The following CRB1 variants were observed in gnomAD, a reference collection of about 807,000 sequenced individuals.
CRB1 encodes the protein crumbs cell polarity complex component 1.
Under a neutral mutation model 120.0 loss-of-function variants are expected in CRB1, and 83 were observed. The ratio of observed to expected loss-of-function variants is 0.69; its 90% confidence interval spans 0.58 to 0.83. The LOEUF is 0.83. Ranked by LOEUF, CRB1 falls within the 40% of genes least tolerant of loss-of-function variation. The pLI, the probability that CRB1 is intolerant of heterozygous loss-of-function variation, is 0.00. For missense variants in CRB1, 1,699 were observed against 1,687.6 expected (o/e 1.01, Z -0.12); for synonymous variants, 625 against 612.5 (o/e 1.02, Z -0.30).
chr1:197,290,265 C>CGTGTGTGTGTGTGT (rs10540136), intron 1 of CRB1, among the ~76,000 whole-genome samples: 217 of 136,978 alleles, frequency 1.6e-3, no homozygotes, highest in African/African-American at 5.2e-3. Context: ...TGTTCCCTTT[C>CGTGTGTGTGTGTGT]GTGTGTGTGT....
At chr1:197,326,100 A>G (rs953373509) in intron 1 of CRB1, among the ~76,000 whole-genome samples, 5 of 152,232 alleles carry the variant, frequency 3.3e-5, no homozygotes, top group Admixed American at 2.6e-4. Context: ...ATATACATAT[A>G]TGTATGCATA....
intron 11 of CRB1, among the ~76,000 whole-genome samples, chr1:197,475,365 G>A (rs1430193380): frequency 6.6e-6 from 1 of 152,086 alleles, no homozygotes; most frequent in East Asian, 1.9e-4. Context: ...GGTATCAACA[G>A]CCATCTTCAT....
chr1:197,349,957 G>T (rs558727436), intron 4 of CRB1, among the ~76,000 whole-genome samples: 2 of 151,666 alleles, frequency 1.3e-5, no homozygotes, highest in South Asian at 2.1e-4. Flanking sequence ...AAAATTAGCC[G>T]GGCGCGGTGG....
At chr1:197,284,967 G>T (rs1032854955) in intron 1 of CRB1, among the ~76,000 whole-genome samples, 1 of 151,834 alleles carries the variant, frequency 6.6e-6, no homozygotes, top group African/African-American at 2.4e-5. Flanking sequence ...AAATCATGTT[G>T]TGTTACAGGT....
intron 1 of CRB1, among the ~76,000 whole-genome samples, chr1:197,294,370 C>A (rs1007567020): frequency 6.6e-6 from 1 of 152,118 alleles, no homozygotes; most frequent in Non-Finnish European, 1.5e-5. Context: ...AATGAGATAC[C>A]ATCTCACACC....
rs1665070172 is a variant in CRB1 at position 197,435,015 on chromosome 1, G to A, written c.3152G>A (p.Trp1051Ter). The A allele has an allele frequency of 6.2e-7, 1 of 1,613,924 alleles. No individual in the cohort carries two copies. Among genetic ancestry groups the A allele is most frequent in the South Asian group, 1.1e-5 (1 of 91,080 alleles). The change falls in exon 9 of 12, where the codon TGG (tryptophan) becomes TAG (stop). Residue 1051 changes from tryptophan to a stop codon, truncating the protein, a stop_gained. Coordinates refer to ENST00000367400, the MANE Select transcript of CRB1 (RefSeq NM_201253.3). LOFTEE classifies it high-confidence loss of function. ...GACCCACTGTCCCAGACCTCCAGGT[G>A]GCAAATGGAAGTGGACAACGAAACA... ...MTDPLSQTSR[W>*]QMEVDNETPF... is the part of the protein sequence containing the mutation.
intron 11 of CRB1, among the ~76,000 whole-genome samples, chr1:197,473,224 T>G (rs1667055972): frequency 6.6e-6 from 1 of 152,212 alleles, no homozygotes. Context: ...AATCCCTTTC[T>G]GTCTGCTTAG....
intron 2 of CRB1, among the ~76,000 whole-genome samples, chr1:197,340,659 C>A (rs143409931): frequency 6.6e-6 from 1 of 151,916 alleles, no homozygotes; most frequent in African/African-American, 2.4e-5. Flanking sequence ...AATTAGGACA[C>A]GGGGAATAGT....
At chr1:197,299,244 A>G (rs1420975341) in intron 1 of CRB1, among the ~76,000 whole-genome samples, 1 of 152,166 alleles carries the variant, frequency 6.6e-6, no homozygotes. Context: ...AAAACATAAG[A>G]AAATGCAGTC....
the CRB1 span, among the ~76,000 whole-genome samples, chr1:197,249,340 C>G: frequency 6.6e-6 from 1 of 151,706 alleles, no homozygotes; most frequent in African/African-American, 2.4e-5. Flanking sequence ...CATGAATAAT[C>G]TTGTACAAAG....
intron 11 of CRB1, among the ~76,000 whole-genome samples, chr1:197,472,410 G>A (rs867689176): frequency 6.6e-6 from 1 of 152,278 alleles, no homozygotes; most frequent in South Asian, 2.1e-4. Flanking sequence ...ACCTCTGGGG[G>A]CTGATGGTTG....
chr1:197,353,566 C>T (rs1047343736), intron 4 of CRB1, among the ~76,000 whole-genome samples: 17 of 151,962 alleles, frequency 1.1e-4, no homozygotes, highest in Admixed American at 8.5e-4. Flanking sequence ...TTTGGGAGGC[C>T]GAGGCGCGTG....
the CRB1 span, among the ~76,000 whole-genome samples, chr1:197,242,486 T>G: frequency 6.6e-6 from 1 of 152,190 alleles, no homozygotes; most frequent in African/African-American, 2.4e-5. Flanking sequence ...CGTTTATTGA[T>G]TTGCACATGT....
chr1:197,286,644 A>G (rs1655842907), intron 1 of CRB1, among the ~76,000 whole-genome samples: 1 of 151,946 alleles, frequency 6.6e-6, no homozygotes, highest in African/African-American at 2.4e-5. Context: ...AGAATATAAT[A>G]AAGTTTTCTT....
chr1:197,447,565 G>A (rs1665759436), intron 11 of CRB1: 1 of 152,158 alleles, frequency 6.6e-6, no homozygotes, highest in Admixed American at 6.6e-5. Flanking sequence ...CTGCCAGCTG[G>A]TTGCAGTGGC....
At position 197,435,421 on chromosome 1, in the gene CRB1, T is replaced by C; in HGVS notation, c.3558T>C (p.Cys1186=). The C allele has an allele frequency of 6.2e-7, 1 of 1,600,270 alleles. No homozygotes were observed. The highest frequency in any genetic ancestry group is 1.1e-5 in the South Asian group (1 of 88,578). The change falls in exon 9 of 12, where the codon TGT becomes TGC. Residue 1186 remains cysteine, a synonymous_variant. Coordinates refer to ENST00000367400, the MANE Select transcript of CRB1 (RefSeq NM_201253.3). ...TCGATGAATGCTTTTCAAACCCCTG[T>C]ATCCATGGCAACTGCTCTGACAGAG... The part of the protein sequence containing the change: ...LNIDECFSNP[C]IHGNCSDRVA...
intron 1 of CRB1, among the ~76,000 whole-genome samples, chr1:197,312,830 C>T (rs957393767): frequency 5.3e-5 from 8 of 152,124 alleles, no homozygotes; most frequent in African/African-American, 1.7e-4. Flanking sequence ...CACATAGCAA[C>T]ATTTAATATT....
At chr1:197,337,971 A>C (rs1232734611) in intron 2 of CRB1, among the ~76,000 whole-genome samples, 1 of 151,992 alleles carries the variant, frequency 6.6e-6, no homozygotes, top group Non-Finnish European at 1.5e-5. Context: ...GCTATGATTA[A>C]AACATAATTA....
chr1:197,261,279 T>A, the CRB1 span, among the ~76,000 whole-genome samples: 2 of 152,222 alleles, frequency 1.3e-5, no homozygotes, highest in African/African-American at 4.8e-5. Flanking sequence ...CTAGAGAAAC[T>A]CTTGTGCATT....
Sources: gnomAD v4.1 joint callset for allele counts (sites outside exome capture counted in the v4.1 genomes callset) on GRCh38, gnomAD v4.1.1 for gene constraint, MANE v1.5 for transcripts, NCBI Gene and HGNC (gene_info 2026-07-23, HGNC 2026-07-21) for gene names.